STT3A: variants seen among roughly 807,000 people sequenced by gnomAD.
STT3A encodes the protein dolichyl-diphosphooligosaccharide--protein glycosyltransferase subunit STT3A.
Under a neutral mutation model 89.2 loss-of-function variants are expected in STT3A, and 34 were observed. The ratio of observed to expected loss-of-function variants is 0.38; its 90% confidence interval spans 0.29 to 0.51. The LOEUF (loss-of-function observed/expected upper bound fraction) is 0.51, where lower values mean the gene tolerates loss of function less well. Among genes scored for constraint, STT3A ranks in the 20% least tolerant of loss-of-function variants. The pLI is 0.89. For missense variants in STT3A, 555 were observed against 889.5 expected, an observed-to-expected ratio of 0.62 and a Z score of 4.78; for synonymous variants, 282 against 310.3, an observed-to-expected ratio of 0.91 and a Z score of 0.96.
intron 9 of STT3A, among the ~76,000 whole-genome samples, chr11:125,608,880 TCTC>T (rs1368571738): frequency 6.6e-6 from 1 of 150,486 alleles, no homozygotes; most frequent in African/African-American, 2.5e-5. Context: ...TGCGAATCTT[TCTC>T]CTTTTTCTTT....
intron 15 of STT3A, among the ~76,000 whole-genome samples, chr11:125,617,667 A>G (rs193209578): frequency 2.5e-4 from 38 of 152,324 alleles, no homozygotes; most frequent in African/African-American, 8.7e-4. Context: ...TTGACTTCTC[A>G]TATACCTGCT....
rs1321095683 is a variant in STT3A, at chr11:125,614,392, C to T, written c.1740C>T (p.Val580=). 4.3e-6 allele frequency: 7 copies of T among 1,613,840 alleles called. No homozygotes were observed. The highest frequency in any genetic ancestry group is 1.3e-5 in the African/African-American group (1 of 74,902). ...AGCTCGATGTCAGCTATGTGCTGGT[C>T]ATTTTTGGAGGCCTCACTGGGTATT... ...MRELDVSYVL[V]IFGGLTGYSS... Residue 580 remains valine (V), a synonymous_variant, in exon 15 of 18, where the codon GTC becomes GTT. Transcript: ENST00000392708. This position sits in a 1 kb window ranked among gnomAD's most constrained non-coding sequence, Gnocchi z 4.9.
rs10893404 is a variant in STT3A at position 125,602,721 on chromosome 11, T to G, written c.272-82T>G. Reference sequence around the variant, plus strand: ...ATTTGTCAAGACTTACATAGTCACTTTATTGTATCTGGGATTTTCCCTTTC... The same window carrying G: ...ATTTGTCAAGACTTACATAGTCACTGTATTGTATCTGGGATTTTCCCTTTC... On this transcript the variant is annotated intron_variant, in intron 4 of 17. Transcript: ENST00000392708. 9 of 1,560,104 alleles carry G rather than the reference T, an allele frequency of 5.8e-6. No homozygotes were observed. In the South Asian group the frequency reaches 8.1e-5, roughly 14 times the overall value.
chr11:125,592,569 G>A, upstream of STT3A: 1 of 445,472 alleles, frequency 2.2e-6, no homozygotes. Flanking sequence ...TCCGCAAACC[G>A]ACACGTCACT....
chr11:125,595,746 C>G, intron 1 of STT3A, 135 bp from the exon 2 acceptor site: 1 of 583,676 alleles, frequency 1.7e-6, no homozygotes, highest in Non-Finnish European at 3.0e-6. Flanking sequence ...GGCTTGGATA[C>G]TAGTATTAGC....
rs757861019 is a variant in STT3A, at chr11:125,608,096, C to A, written c.781-13C>A. On this transcript the variant is annotated splice_polypyrimidine_tract_variant and intron_variant, in intron 8 of 17. Coordinates refer to ENST00000392708, the MANE Select transcript of STT3A (RefSeq NM_152713.5). ...TTTCCTTAGTATTAACATACATATCCTTTTACCTACAGCCTGTCCTTTCAT... is the reference window on the plus strand; with the variant it reads ...TTTCCTTAGTATTAACATACATATCATTTTACCTACAGCCTGTCCTTTCAT... 1 of 1,590,918 alleles carries A rather than the reference C, an allele frequency of 6.3e-7. No individual in the cohort carries two copies. Among genetic ancestry groups the A allele is most frequent in the Non-Finnish European group, 8.5e-7 (1 of 1,170,648 alleles).
intron 15 of STT3A, among the ~76,000 whole-genome samples, 198 bp from the exon 16 acceptor site, chr11:125,618,175 T>C (rs1435522292): frequency 6.6e-6 from 1 of 152,214 alleles, no homozygotes; most frequent in African/African-American, 2.4e-5. Flanking sequence ...TTCAGGAGTA[T>C]AATAATTTCT....
intron 11 of STT3A, among the ~76,000 whole-genome samples, chr11:125,611,725 C>A (rs915069050): frequency 2.2e-4 from 33 of 151,916 alleles, no homozygotes; most frequent in African/African-American, 8.0e-4. Context: ...TTCTTGGATT[C>A]GTAACTTTGT....
chr11:125,616,135 C>T (rs1382704198), intron 15 of STT3A, among the ~76,000 whole-genome samples: 2 of 152,110 alleles, frequency 1.3e-5, no homozygotes, highest in African/African-American at 4.8e-5. Context: ...TGTAGTTGTC[C>T]CTCTGTATCC....
intron 3 of STT3A, among the ~76,000 whole-genome samples, chr11:125,598,305 T>C (rs980767108): frequency 3.9e-5 from 6 of 152,172 alleles, no homozygotes; most frequent in African/African-American, 1.4e-4. Flanking sequence ...AACCGTGATT[T>C]GAATGTTGGT....
In STT3A at chr11:125,609,415, A is replaced by G. The variant is rs1420399516; in HGVS notation, c.962-19A>G. On this transcript the variant is annotated intron_variant, in intron 9 of 17. Coordinates refer to ENST00000392708, the MANE Select transcript of STT3A (RefSeq NM_152713.5). ...TTTGAAGAGTGTGTGTGGAATATTT[A>G]TTGCCTCTTTGCTGCTAGGAAAAAT... 3.8e-6 allele frequency: 6 copies of G among 1,588,416 alleles called. No homozygotes were observed. Among genetic ancestry groups the G allele is most frequent in the Non-Finnish European group, 5.1e-6 (6 of 1,169,592 alleles).
At chr11:125,597,022 C>T in intron 2 of STT3A, 37 bp from the exon 3 acceptor site, 1 of 1,608,348 alleles carries the variant, frequency 6.2e-7, no homozygotes, top group East Asian at 2.2e-5. Context: ...TTTCATGGCA[C>T]ATTACCAATA....
At chr11:125,601,458 TA>T (rs1032134794) in intron 3 of STT3A, among the ~76,000 whole-genome samples, 9 of 152,156 alleles carry the variant, frequency 5.9e-5, no homozygotes, top group African/African-American at 1.7e-4. Context: ...CTGCCTCTAC[TA>T]AAAATACAAA....
rs138151593 is a variant in STT3A at position 125,621,927 on chromosome 11, C to T, written c.*1117C>T. 1.6e-4 allele frequency: 24 copies of T among 152,212 alleles called. No homozygotes were observed. The highest frequency in any genetic ancestry group is 4.8e-4 in the African/African-American group (20 of 41,502). 9.4% of individuals were successfully genotyped at this position (152,212 alleles called of 1,614,324 possible). A position where few individuals can be genotyped will look rare whatever the true frequency, so the allele number is the denominator to read the frequency against. ...GTGTACACCTGTAGTCCCAGCTACT[C>T]GGGAAGATGAGATTGGAGGATCACT... is the stretch of plus-strand genomic sequence containing the variant. On this transcript the variant is annotated 3_prime_UTR_variant, in exon 18 of 18. Coordinates refer to ENST00000392708, the MANE Select transcript of STT3A (RefSeq NM_152713.5).
At chr11:125,595,478 GC>G (rs1384081137) in intron 1 of STT3A, among the ~76,000 whole-genome samples, 1 of 151,750 alleles carries the variant, frequency 6.6e-6, no homozygotes. Context: ...CTCCGCCCCT[GC>G]CACCCCATAT....
At chr11:125,609,757 G>A in intron 10 of STT3A, 168 bp downstream of exon 10, 2 of 655,004 alleles carry the variant, frequency 3.1e-6, no homozygotes, top group South Asian at 3.0e-5. Context: ...GCAGAAGTCA[G>A]AAGTTCAACA....
In STT3A at chr11:125,612,661, T is replaced by C; in HGVS notation, c.1279T>C (p.Ser427Pro). Residue 427 changes from serine (S) to proline (P), a missense_variant, in exon 12 of 18, where the codon TCC becomes CCC. This residue lies in a region of STT3A where 273 missense variants were observed against 449.8 expected (regional missense o/e 0.61). Transcript: ENST00000392708. ...LSGIGVSQVL[S>P]TYMKNLDISR... is the part of the protein sequence containing the mutation. ...TGGCATTGGAGTCTCCCAGGTGCTG[T>C]CCACATACATGAAGAATCTGGACAT... is the stretch of plus-strand genomic sequence containing the variant. The C allele has an allele frequency of 6.2e-7, 1 of 1,614,184 alleles. No individual in the cohort carries two copies.
In STT3A at chr11:125,609,314, C is replaced by G. The variant is rs1304426599; in HGVS notation, c.962-120C>G. 3 of 1,340,390 alleles carry G rather than the reference C, an allele frequency of 2.2e-6. No individual in the cohort carries two copies. In the African/African-American group the frequency reaches 4.4e-5, roughly 20 times the overall value. The allele number at this position is 1,340,390 out of a possible 1,614,324, so 83.0% of individuals were successfully genotyped here. A position where few individuals can be genotyped will look rare whatever the true frequency, so the allele number is the denominator to read the frequency against. ...TCTCTAAGTATTGGTGGCAATTAAG[C>G]AAAAACCTAATCCTTCTCTGTCACT... On this transcript the variant is annotated intron_variant, in intron 9 of 17. Transcript: ENST00000392708.
At chr11:125,617,093 G>T (rs1940200844) in intron 15 of STT3A, among the ~76,000 whole-genome samples, 1 of 152,022 alleles carries the variant, frequency 6.6e-6, no homozygotes, top group Non-Finnish European at 1.5e-5. Context: ...TGTTCTGGGG[G>T]TTTATTTTTG....
Sources: allele counts gnomAD v4.1 joint callset (sites outside exome capture counted in the v4.1 genomes callset), GRCh38; gene constraint gnomAD v4.1.1; regional missense constraint gnomAD v4.1.1; non-coding constraint Gnocchi (gnomAD v3.1); transcripts MANE v1.5; gene names NCBI Gene and HGNC (gene_info 2026-07-23, HGNC 2026-07-21).